CYRIB: variants seen among roughly 807,000 people sequenced by gnomAD.
CYRIB encodes CYFIP-related Rac1 interactor B.
A neutral mutation model predicts 44.2 loss-of-function variants in CYRIB; 8 were observed. That is an observed-to-expected ratio of 0.18 (90% confidence interval 0.11 to 0.33). The LOEUF (loss-of-function observed/expected upper bound fraction) is 0.33, where lower values mean the gene tolerates loss of function less well. Among genes scored for constraint, CYRIB ranks in the 10% least tolerant of loss-of-function variants. The probability of loss-of-function intolerance (pLI) is 1.00; values close to 1 mark genes in which losing one functional copy is unlikely to be tolerated. For synonymous variants in CYRIB, 131 were observed against 127.2 expected (o/e 1.03, Z -0.20); for missense variants, 185 against 382.8 (o/e 0.48, Z 4.31).
intron 2 of CYRIB, among the ~76,000 whole-genome samples, chr8:129,962,452 A>C (rs1410350803): frequency 1.3e-5 from 2 of 152,108 alleles, no homozygotes; most frequent in African/African-American, 2.4e-5. Flanking sequence ...CAAAAAAATG[A>C]AATAACATAA....
chr8:129,957,640 G>A (rs561351614), intron 2 of CYRIB, among the ~76,000 whole-genome samples: 6 of 152,132 alleles, frequency 3.9e-5, no homozygotes, highest in African/African-American at 1.4e-4. Context: ...AGACCAGCCT[G>A]GCCAACATGG....
chr8:129,867,879 GT>G (rs912848320), intron 4 of CYRIB, among the ~76,000 whole-genome samples: 7 of 151,462 alleles, frequency 4.6e-5, no homozygotes, highest in East Asian at 1.9e-4. Context: ...CAATTTTATA[GT>G]TTTTTTTTAA....
At chr8:129,914,752 A>G (rs947291962) in intron 1 of CYRIB, among the ~76,000 whole-genome samples, 2 of 152,230 alleles carry the variant, frequency 1.3e-5, no homozygotes, top group Admixed American at 6.5e-5. Flanking sequence ...AAAAATCATG[A>G]ACAACATAAT....
chr8:129,923,575 AAGTCAACCTTT>A (rs1379377141), intron 1 of CYRIB, among the ~76,000 whole-genome samples: 1 of 152,004 alleles, frequency 6.6e-6, no homozygotes, highest in Non-Finnish European at 1.5e-5. Context: ...GCACCCGGCC[AAGTCAACCTTT>A]AGTCTCTTAT....
At chr8:129,907,204 T>C (rs2075859170) in intron 1 of CYRIB, among the ~76,000 whole-genome samples, 1 of 152,140 alleles carries the variant, frequency 6.6e-6, no homozygotes, top group Non-Finnish European at 1.5e-5. Flanking sequence ...CCAACCCAAA[T>C]GTCCAACGAT....
chr8:129,919,142 GTGT>G (rs1016579860), intron 1 of CYRIB, among the ~76,000 whole-genome samples: 3 of 152,106 alleles, frequency 2.0e-5, no homozygotes, highest in African/African-American at 7.2e-5. Flanking sequence ...GGGATTGTGG[GTGT>G]GAGCCACCGT....
At chr8:129,951,478 G>A (rs565383918) in intron 2 of CYRIB, among the ~76,000 whole-genome samples, 204 of 152,000 alleles carry the variant, frequency 1.3e-3, no homozygotes, top group African/African-American at 4.0e-3. Context: ...AGGCCGAGGC[G>A]GGCAGATCAT....
At chr8:129,921,453 A>C (rs531915624) in intron 1 of CYRIB, among the ~76,000 whole-genome samples, 1 of 152,334 alleles carries the variant, frequency 6.6e-6, no homozygotes, top group Admixed American at 6.5e-5. Context: ...ATGGTTTCAA[A>C]GTATCACCAA....
At chr8:129,977,786 C>T (rs1591601168) in intron 1 of CYRIB, among the ~76,000 whole-genome samples, 1 of 152,190 alleles carries the variant, frequency 6.6e-6, no homozygotes, top group Non-Finnish European at 1.5e-5. Context: ...CCCGCCTTGG[C>T]CTCCCAAAGT....
rs561198216 is a variant in CYRIB at position 129,882,926 on chromosome 8, A to C, written c.-10-3455T>G. Among the ~76,000 whole-genome samples, 56 of 151,968 alleles carry C rather than the reference A, an allele frequency of 3.7e-4. 1 individual carries two copies. Among genetic ancestry groups the C allele is most frequent in the African/African-American group, 1.3e-3 (55 of 41,430 alleles). On this transcript the variant is annotated intron_variant, in intron 2 of 11. Transcript: ENST00000519824. ...GAAAATGGCTCAGTTGGCTGGGCGC[A>C]GTGGCTCACGCTTGTAATCCCAGCA...
At chr8:129,861,574 G>C (rs907820574) in intron 5 of CYRIB, among the ~76,000 whole-genome samples, 2 of 151,462 alleles carry the variant, frequency 1.3e-5, no homozygotes, top group African/African-American at 4.9e-5. Flanking sequence ...GAGTAGATGA[G>C]ACCACAAGCA....
chr8:129,863,968 T>C (rs2051734573), intron 4 of CYRIB, among the ~76,000 whole-genome samples: 1 of 152,180 alleles, frequency 6.6e-6, no homozygotes, highest in African/African-American at 2.4e-5. Flanking sequence ...CATGTCTCAA[T>C]ACTCCCAAGG....
intron 1 of CYRIB, among the ~76,000 whole-genome samples, chr8:129,974,772 T>A (rs1591528448): frequency 6.6e-6 from 1 of 150,528 alleles, no homozygotes; most frequent in Non-Finnish European, 1.5e-5. Context: ...CAGGCTGGAG[T>A]GCAGTGGCTC....
intron 11 of CYRIB, among the ~76,000 whole-genome samples, chr8:129,843,473 G>C (rs1424824447): frequency 6.6e-6 from 1 of 152,238 alleles, no homozygotes; most frequent in East Asian, 1.9e-4. Flanking sequence ...AGCAGCAATG[G>C]AGACAGGTGT....
At chr8:129,953,696 G>A (rs1456012440) in intron 2 of CYRIB, among the ~76,000 whole-genome samples, 1 of 152,178 alleles carries the variant, frequency 6.6e-6, no homozygotes, top group Middle Eastern at 3.2e-3. Context: ...AGATGGCATT[G>A]GTCCAGCCTG....
At chr8:129,903,591 CA>C (rs1394376383) in intron 1 of CYRIB, among the ~76,000 whole-genome samples, 4 of 152,144 alleles carry the variant, frequency 2.6e-5, no homozygotes, top group African/African-American at 9.7e-5. Context: ...ACCCAGTTGT[CA>C]CCGTCAACAT....
At chr8:129,844,582 T>A (rs2038688984) in intron 11 of CYRIB, 1 of 152,282 alleles carries the variant, frequency 6.6e-6, no homozygotes, top group South Asian at 2.1e-4. Context: ...TATGATTAAA[T>A]GTATTTGGTT....
intron 2 of CYRIB, among the ~76,000 whole-genome samples, chr8:129,947,503 A>G (rs2094231841): frequency 6.6e-6 from 1 of 152,222 alleles, no homozygotes. Flanking sequence ...AGTTCCTGCC[A>G]TGGTGCCTGG....
At chr8:129,862,104 G>T in intron 5 of CYRIB, 125 bp downstream of exon 7, 1 of 658,332 alleles carries the variant, frequency 1.5e-6, no homozygotes. Flanking sequence ...TAACAAGCTT[G>T]CTTTACTTAT....
Sources: gnomAD v4.1 joint callset for allele counts (sites outside exome capture counted in the v4.1 genomes callset) on GRCh38, gnomAD v4.1.1 for gene constraint, MANE v1.5 for transcripts, NCBI Gene and HGNC (gene_info 2026-07-23, HGNC 2026-07-21) for gene names.